Variants in GUCY2C observed in about 807,000 individuals in gnomAD.
The protein encoded by GUCY2C is guanylate cyclase 2C.
GUCY2C carries 118 observed loss-of-function variants against 131.1 expected under a neutral mutation model. The observed-to-expected ratio is 0.90, with a 90% CI of 0.78 to 1.05. GUCY2C has a LOEUF of 1.05. Ranked by LOEUF, GUCY2C falls within the 50% of genes least tolerant of loss-of-function variation. The probability of loss-of-function intolerance (pLI) is 0.00; values close to 1 mark genes in which losing one functional copy is unlikely to be tolerated. For synonymous variants in GUCY2C, 452 were observed against 457.8 expected, an observed-to-expected ratio of 0.99 and a Z score of 0.16; for missense variants, 1,161 against 1,304.4, an observed-to-expected ratio of 0.89 and a Z score of 1.69.
chr12:14,613,126 G>T lies in GUCY2C; in HGVS notation c.3213C>A (p.Thr1071=). The T allele has an allele frequency of 6.2e-7, 1 of 1,612,714 alleles. No individual in the cohort carries two copies. The highest frequency in any genetic ancestry group is 1.7e-5 in the Admixed American group (1 of 59,918). ...LQLNTTDKES[T]YF ...TATACCTCATTTAGGTTTAAAAATA[G>T]GTGCTCTCCTTGTCTGTGGTATTCA... is the stretch of plus-strand genomic sequence containing the variant. The change falls in exon 27 of 27, where the codon ACC becomes ACA. Residue 1071 remains threonine (T), a synonymous_variant. Coordinates refer to ENST00000261170, the MANE Select transcript of GUCY2C (RefSeq NM_004963.4). The surrounding 1 kb of genome is among the most constrained non-coding windows in gnomAD (Gnocchi z 4.9).
Position 14,688,353 on chromosome 12 carries a change from AATAT to A in GUCY2C, c.218-294_218-291del, listed in dbSNP as rs984214237. 7.2e-5 allele frequency among the ~76,000 whole-genome samples: 11 copies of A among 152,146 alleles called. No individual in the cohort carries two copies. In the East Asian group the frequency reaches 2.1e-3, roughly 29 times the overall value. On this transcript the variant is annotated intron_variant, in intron 1 of 26. Transcript: ENST00000261170. ...GTTTACGATTCAATGACTTTTAGTA[AATAT>A]ATATATAGTTGTGCAACCATCCACA...
At chr12:14,667,150 CA>C (rs1464379902) in intron 10 of GUCY2C, among the ~76,000 whole-genome samples, 1 of 151,934 alleles carries the variant, frequency 6.6e-6, no homozygotes, top group Non-Finnish European at 1.5e-5. Context: ...ACCAAAATAC[CA>C]AAAAACTTGA....
At position 14,631,069 on chromosome 12, in the gene GUCY2C, G is replaced by A. The variant is rs777581978; in HGVS notation, c.2158-2332C>T. Among the ~76,000 whole-genome samples the A allele has an allele frequency of 3.0e-4, 46 of 152,142 alleles. 2 individuals are homozygous for A. Among genetic ancestry groups the A allele is most frequent in the Non-Finnish European group, 2.2e-4 (15 of 68,028 alleles). On this transcript the variant is annotated intron_variant, in intron 19 of 26. Transcript: ENST00000261170. ...CATACTATTACTATTGAAAAAGAAAGGGAAGGGGAGAGGTAAAAATGACCC... is the reference window on the plus strand; with the variant it reads ...CATACTATTACTATTGAAAAAGAAAAGGAAGGGGAGAGGTAAAAATGACCC...
intron 6 of GUCY2C, among the ~76,000 whole-genome samples, chr12:14,678,956 A>G (rs187701200): frequency 1.3e-5 from 2 of 152,310 alleles, no homozygotes; most frequent in Admixed American, 1.3e-4. Context: ...TCTTTGGCTC[A>G]GAGAAATGTG....
chr12:14,630,980 G>A (rs368243188), intron 19 of GUCY2C, among the ~76,000 whole-genome samples: 7 of 152,162 alleles, frequency 4.6e-5, no homozygotes, highest in South Asian at 4.1e-4. Flanking sequence ...AAAGCAGGAC[G>A]AAAGAAAGGA....
In GUCY2C at chr12:14,672,922, T is replaced by TC. The variant is rs746745578; in HGVS notation, c.1120dup (p.Asp374GlyfsTer3). 1.2e-6 allele frequency: 2 copies of TC among 1,608,306 alleles called. No individual in the cohort carries two copies. The highest frequency in any genetic ancestry group is 1.7e-4 in the Middle Eastern group (1 of 6,058). On this transcript the variant is annotated frameshift_variant, in exon 9 of 27. Coordinates refer to ENST00000261170, the MANE Select transcript of GUCY2C (RefSeq NM_004963.4). LOFTEE classifies it high-confidence loss of function. ...CAGAAGCACCATGGTACTGTCAACA[T>TC]CCCCCCAGTCATCCAAGGTCACTGG...
chr12:14,655,483 A>G (rs774072101), intron 12 of GUCY2C, among the ~76,000 whole-genome samples: 3 of 152,192 alleles, frequency 2.0e-5, no homozygotes, highest in Non-Finnish European at 2.9e-5. Flanking sequence ...TGGAGCCATT[A>G]GAGGGCAGCA....
intron 17 of GUCY2C, among the ~76,000 whole-genome samples, chr12:14,641,992 A>T (rs886355792): frequency 2.0e-5 from 3 of 152,026 alleles, no homozygotes; most frequent in Non-Finnish European, 4.4e-5. Context: ...AAATTATTAT[A>T]ATTTATTAGT....
intron 11 of GUCY2C, among the ~76,000 whole-genome samples, chr12:14,658,847 T>C (rs1253661307): frequency 1.3e-5 from 2 of 150,992 alleles, no homozygotes; most frequent in African/African-American, 4.9e-5. Flanking sequence ...TTTAGATATA[T>C]AATAATAATA....
chr12:14,641,230 A>G lies in GUCY2C; in HGVS notation c.1931-11T>C. On this transcript the variant is annotated splice_polypyrimidine_tract_variant and intron_variant, in intron 17 of 26. Transcript: ENST00000261170. Reference sequence around the variant, plus strand: ...GAGCTGTCCACAGGTCTGTAAATGTAGACATTGAGATTACAAAGTTGAGGG... The same window carrying G: ...GAGCTGTCCACAGGTCTGTAAATGTGGACATTGAGATTACAAAGTTGAGGG... The G allele has an allele frequency of 6.2e-7, 1 of 1,612,446 alleles. No individual in the cohort carries two copies. The highest frequency in any genetic ancestry group is 1.3e-5 in the African/African-American group (1 of 74,992).
chr12:14,645,831 T>G (rs1348905418), intron 15 of GUCY2C, among the ~76,000 whole-genome samples: 3 of 151,306 alleles, frequency 2.0e-5, no homozygotes, highest in Non-Finnish European at 4.4e-5. Flanking sequence ...TTTCTTTGTT[T>G]TTTTTTGTTT....
chr12:14,623,243 A>G lies in GUCY2C; in HGVS notation c.2409-1046T>C, dbSNP rs145713835. On this transcript the variant is annotated intron_variant, in intron 21 of 26. Coordinates refer to ENST00000261170, the MANE Select transcript of GUCY2C (RefSeq NM_004963.4). The stretch of plus-strand genomic sequence containing the variant: ...TTGCATTACACTCCCTGCACAACCC[A>G]GGCCTTGGATATTCAGGAAGATGGG... 2.6e-3 allele frequency among the ~76,000 whole-genome samples: 402 copies of G among 152,252 alleles called. 1 individual carries two copies. The highest frequency in any genetic ancestry group is 4.3e-3 in the Non-Finnish European group (294 of 68,010).
rs759008167 is a variant in GUCY2C, at chr12:14,689,357, G to A, written c.218-1294C>T. On this transcript the variant is annotated intron_variant, in intron 1 of 26. Coordinates refer to ENST00000261170, the MANE Select transcript of GUCY2C (RefSeq NM_004963.4). Reference sequence around the variant, plus strand: ...TGGGTGGAGCAGGTTTGCTAATGTGGTGTGTGTGGTGATGGAGGTGGACAT... The same window carrying A: ...TGGGTGGAGCAGGTTTGCTAATGTGATGTGTGTGGTGATGGAGGTGGACAT... Among the ~76,000 whole-genome samples the A allele has an allele frequency of 3.0e-4, 46 of 152,112 alleles. 1 individual carries two copies. The highest frequency in any genetic ancestry group is 6.2e-4 in the South Asian group (3 of 4,806).
In GUCY2C at chr12:14,684,561, TTCCC is replaced by T. The variant is rs1336679052; in HGVS notation, c.396-1308_396-1305del. ...TTTTCTCCTCTCTCTCTTTCTTTCT[TTCCC>T]TTCCTTCCTTCCTTCCTTCCTTCCT... On this transcript the variant is annotated intron_variant, in intron 3 of 26. Coordinates refer to ENST00000261170, the MANE Select transcript of GUCY2C (RefSeq NM_004963.4). Among the ~76,000 whole-genome samples the T allele has an allele frequency of 1.7e-4, 24 of 141,080 alleles. 1 individual carries two copies. Among genetic ancestry groups the T allele is most frequent in the South Asian group, 7.5e-4 (3 of 3,990 alleles). 92.6% of individuals were successfully genotyped at this position (141,080 alleles called of 152,430 possible). A position where few individuals can be genotyped will look rare whatever the true frequency, so the allele number is the denominator to read the frequency against.
At chr12:14,659,512 CT>C (rs2137051240) in intron 11 of GUCY2C, among the ~76,000 whole-genome samples, 1 of 152,288 alleles carries the variant, frequency 6.6e-6, no homozygotes, top group South Asian at 2.1e-4. Flanking sequence ...AAGGCCATGC[CT>C]TCCTTAATGT....
chr12:14,690,778 T>C (rs986984645), intron 1 of GUCY2C, among the ~76,000 whole-genome samples: 1 of 152,060 alleles, frequency 6.6e-6, no homozygotes, highest in African/African-American at 2.4e-5. Context: ...CCTGACCTCA[T>C]GATCCGCCCG....
At chr12:14,654,047 TG>T (rs1302774404) in intron 12 of GUCY2C, among the ~76,000 whole-genome samples, 1 of 152,206 alleles carries the variant, frequency 6.6e-6, no homozygotes, top group Non-Finnish European at 1.5e-5. Context: ...TAGAAATAGC[TG>T]GGGGTTAAAT....
intron 23 of GUCY2C, among the ~76,000 whole-genome samples, chr12:14,620,702 AT>A (rs1325441763): frequency 6.6e-6 from 1 of 152,098 alleles, no homozygotes; most frequent in Admixed American, 6.6e-5. Context: ...GGGAAAATAT[AT>A]TGAAGTTGGG....
intron 24 of GUCY2C, among the ~76,000 whole-genome samples, chr12:14,618,891 T>C (rs560455705): frequency 3.1e-4 from 47 of 152,242 alleles, no homozygotes; most frequent in Admixed American, 1.1e-3. Flanking sequence ...TACTGATTTT[T>C]TTTTAACTTT....
Sources: allele counts gnomAD v4.1 joint callset (sites outside exome capture counted in the v4.1 genomes callset), GRCh38; gene constraint gnomAD v4.1.1; non-coding constraint Gnocchi (gnomAD v3.1); transcripts MANE v1.5; gene names NCBI Gene and HGNC (gene_info 2026-07-23, HGNC 2026-07-21).